PTGS2: variants seen among roughly 807,000 people sequenced by gnomAD.
PTGS2 encodes the protein prostaglandin G/H synthase 2.
PTGS2 carries 14 observed loss-of-function variants against 63.8 expected under a neutral mutation model. That is an observed-to-expected ratio of 0.22 (90% CI 0.14 to 0.34). The LOEUF (loss-of-function observed/expected upper bound fraction) is 0.34. Among genes scored for constraint, PTGS2 ranks in the 10% least tolerant of loss-of-function variants. The pLI is 1.00. For synonymous variants in PTGS2, 271 were observed against 259.5 expected (o/e 1.04, Z -0.43); for missense variants, 533 against 738.5 (o/e 0.72, Z 3.23).
chr1:186,680,399 G>T lies in PTGS2; in HGVS notation c.-109C>A. 4 of 738,186 alleles carry T rather than the reference G, an allele frequency of 5.4e-6. No homozygotes were observed. The highest frequency in any genetic ancestry group is 1.8e-5 in the African/African-American group (1 of 55,158). The allele number at this position is 738,186 out of a possible 1,614,324, so 45.7% of individuals were successfully genotyped here. On this transcript the variant is annotated 5_prime_UTR_variant, in exon 1 of 10. Coordinates refer to ENST00000367468, the MANE Select transcript of PTGS2 (RefSeq NM_000963.4). ...AGGAGTTCCTGGACGTGCTCCTGAC[G>T]CTCACTGCAAGTCGTATGACAATTG...
At chr1:186,680,033 T>G (rs1329955970) in intron 1 of PTGS2, among the ~76,000 whole-genome samples, 1 of 152,252 alleles carries the variant, frequency 6.6e-6, no homozygotes, top group East Asian at 1.9e-4. Context: ...GTTAAGTAAC[T>G]GGCTCATAAT....
At position 186,677,845 on chromosome 1, in the gene PTGS2, A is replaced by C; in HGVS notation, c.458-15T>G. On this transcript the variant is annotated splice_polypyrimidine_tract_variant and intron_variant, in intron 4 of 9. Transcript: ENST00000367468. ...CTGCTTTTTACCTGAAAAATGAGAA[A>C]GCTAAGGTAAGAATCCATCTATGTA... The C allele has an allele frequency of 6.2e-7, 1 of 1,612,010 alleles. No homozygotes were observed. Among genetic ancestry groups the C allele is most frequent in the Non-Finnish European group, 8.5e-7 (1 of 1,179,008 alleles).
At chr1:186,679,490 T>C in intron 1 of PTGS2, 52 bp from the exon 2 acceptor site, 1 of 1,296,342 alleles carries the variant, frequency 7.7e-7, no homozygotes, top group Non-Finnish European at 1.1e-6. Flanking sequence ...TAATCTTAAT[T>C]TAAACATTTA....
In PTGS2 at chr1:186,674,554, T is replaced by G; in HGVS notation, c.1614A>C (p.Gly538=). ...PAYWKPSTFG[G]EVGFQIINTA... is the part of the protein sequence containing the mutation. The stretch of plus-strand genomic sequence containing the variant: ...TGTTGATGATTTGAAAACCCACTTC[T>G]CCACCAAAAGTGCTTGGCTTCCAGT... Residue 538 remains glycine (G), a synonymous_variant, in exon 10 of 10, where the codon GGA becomes GGC. Coordinates refer to ENST00000367468, the MANE Select transcript of PTGS2 (RefSeq NM_000963.4). 6.2e-7 allele frequency: 1 copy of G among 1,614,180 alleles called. No individual in the cohort carries two copies.
rs1665732308 is a variant in PTGS2 at position 186,673,809 on chromosome 1, C to T, written c.*544G>A. 1 of 152,094 alleles carries T rather than the reference C, an allele frequency of 6.6e-6. No homozygotes were observed. The highest frequency in any genetic ancestry group is 1.5e-5 in the Non-Finnish European group (1 of 68,014). 9.4% of individuals were successfully genotyped at this position (152,094 alleles called of 1,614,324 possible). ...TTCTACCCTATGAATTTAGAAATTT[C>T]AAATTATTGTTTCATTGCTGATTTT... On this transcript the variant is annotated 3_prime_UTR_variant, in exon 10 of 10. Transcript: ENST00000367468.
In PTGS2 at chr1:186,674,755, C is replaced by G. The variant is rs777664238; in HGVS notation, c.1413G>C (p.Lys471Asn). 2.5e-6 allele frequency: 4 copies of G among 1,603,964 alleles called. No homozygotes were observed. Among genetic ancestry groups the G allele is most frequent in the Admixed American group, 1.7e-5 (1 of 58,154 alleles). The change falls in exon 10 of 10, where the codon AAG becomes AAC. Residue 471 changes from lysine (K) to asparagine (N), a missense_variant. This residue lies in a region of PTGS2 where 219 missense variants were observed against 267.4 expected (regional missense o/e 0.82). Coordinates refer to ENST00000367468, the MANE Select transcript of PTGS2 (RefSeq NM_000963.4). ...YESFEELTGE[K>N]EMSAELEALY... Reference sequence around the variant, plus strand: ...GTGCTTCCAACTCTGCAGACATTTCCTTTTCTCCTGTGAAGGCGATGAAGA... The same window carrying G: ...GTGCTTCCAACTCTGCAGACATTTCGTTTTCTCCTGTGAAGGCGATGAAGA...
At chr1:186,680,075 A>T (rs1253500684) in intron 1 of PTGS2, among the ~76,000 whole-genome samples, 164 bp downstream of exon 1, 2 of 152,170 alleles carry the variant, frequency 1.3e-5, no homozygotes, top group African/African-American at 2.4e-5. Flanking sequence ...TGGAATATCC[A>T]CGGAGTTCTT....
chr1:186,677,901 A>G (rs1367747088), intron 4 of PTGS2, 71 bp from the exon 5 acceptor site: 1 of 1,413,160 alleles, frequency 7.1e-7, no homozygotes, highest in Non-Finnish European at 9.7e-7. Context: ...CTGTCAATCT[A>G]CCAAGAATTC....
rs1239740288 is a variant in PTGS2 at position 186,678,278 on chromosome 1, G to A, written c.440C>T (p.Thr147Ile). 1 of 1,610,276 alleles carries A rather than the reference G, an allele frequency of 6.2e-7. No individual in the cohort carries two copies. The highest frequency in any genetic ancestry group is 8.5e-7 in the Non-Finnish European group (1 of 1,178,234). ...TTACTCACCTTTGACACCCAAGGGA[G>A]TCGGGCAATCATCAGGCACAGGAGG... is the stretch of plus-strand genomic sequence containing the variant. Reference protein sequence around the residue: ...ALPPVPDDCPTPLGVKGKKQL... With the variant: ...ALPPVPDDCPIPLGVKGKKQL... Residue 147 changes from threonine (T) to isoleucine (I), a missense_variant, in exon 4 of 10, where the codon ACT becomes ATT. Thr to Ile is a moderately conservative substitution (Grantham distance 89). Coordinates refer to ENST00000367468, the MANE Select transcript of PTGS2 (RefSeq NM_000963.4).
chr1:186,675,990 T>C lies in PTGS2; in HGVS notation c.1165A>G (p.Asn389Asp), dbSNP rs776759044. ...TTGTTGTAGATAAACTGTTGATAGT[T>C]GTATTTCTGGTCATGAATTTGAAAG... Reference protein sequence around the residue: ...DTFQIHDQKYNYQQFIYNNSI... With the variant: ...DTFQIHDQKYDYQQFIYNNSI... The change falls in exon 8 of 10, where the codon AAC becomes GAC. Residue 389 changes from asparagine (N) to aspartate (D), a missense_variant. Coordinates refer to ENST00000367468, the MANE Select transcript of PTGS2 (RefSeq NM_000963.4). 7 of 1,613,920 alleles carry C rather than the reference T, an allele frequency of 4.3e-6. No individual in the cohort carries two copies. In the East Asian group the frequency reaches 1.6e-4, roughly 36 times the overall value.
At position 186,674,496 on chromosome 1, in the gene PTGS2, C is replaced by T. The variant is rs1665745090; in HGVS notation, c.1672G>A (p.Val558Met). 1 of 1,614,148 alleles carries T rather than the reference C, an allele frequency of 6.2e-7. No individual in the cohort carries two copies. The highest frequency in any genetic ancestry group is 1.3e-5 in the African/African-American group (1 of 75,044). Reference protein sequence around the residue: ...ASIQSLICNNVKGCPFTSFSV... With the variant: ...ASIQSLICNNMKGCPFTSFSV... Reference sequence around the variant, plus strand: ...AATGAAGTAAAGGGACAGCCCTTCACGTTATTGCAGATGAGAGACTGAATT... The same window carrying T: ...AATGAAGTAAAGGGACAGCCCTTCATGTTATTGCAGATGAGAGACTGAATT... The change falls in exon 10 of 10, where the codon GTG becomes ATG. Residue 558 changes from valine (V) to methionine (M), a missense_variant. Coordinates refer to ENST00000367468, the MANE Select transcript of PTGS2 (RefSeq NM_000963.4).
At position 186,674,554 on chromosome 1, in the gene PTGS2, T is replaced by C. The variant is rs1665746533; in HGVS notation, c.1614A>G (p.Gly538=). ...TGTTGATGATTTGAAAACCCACTTC[T>C]CCACCAAAAGTGCTTGGCTTCCAGT... ...PAYWKPSTFG[G]EVGFQIINTA... is the part of the protein sequence containing the mutation. The change falls in exon 10 of 10, where the codon GGA becomes GGG. Residue 538 remains glycine (G), a synonymous_variant. Transcript: ENST00000367468. The C allele has an allele frequency of 6.2e-7, 1 of 1,614,180 alleles. No individual in the cohort carries two copies. The highest frequency in any genetic ancestry group is 1.7e-5 in the Admixed American group (1 of 60,026).
Position 186,675,882 on chromosome 1 carries a change from C to T in PTGS2, c.1257+16G>A, listed in dbSNP as rs747087733. 1 of 1,590,348 alleles carries T rather than the reference C, an allele frequency of 6.3e-7. No homozygotes were observed. Among genetic ancestry groups the T allele is most frequent in the South Asian group, 1.1e-5 (1 of 87,972 alleles). On this transcript the variant is annotated intron_variant, in intron 8 of 9. Transcript: ENST00000367468. ...CTGACTAGTCTTTTGTTTTGGTTTT[C>T]AATAATAATGCTTACCCTGCCAGCA...
chr1:186,677,233 G>A (rs773865945), intron 5 of PTGS2, among the ~76,000 whole-genome samples: 6 of 151,924 alleles, frequency 3.9e-5, no homozygotes, highest in Non-Finnish European at 5.9e-5. Flanking sequence ...AAATTCTTAC[G>A]AATAACTTGA....
chr1:186,675,144 T>C lies in PTGS2; in HGVS notation c.1405+105A>G, dbSNP rs1213100443. ...GTGAGCCGAGATGGCGCCACTGCACTCCAGCCTGGGTGACAGAGGGCGGCT... is the reference window on the plus strand; with the variant it reads ...GTGAGCCGAGATGGCGCCACTGCACCCCAGCCTGGGTGACAGAGGGCGGCT... On this transcript the variant is annotated intron_variant, in intron 9 of 9. Transcript: ENST00000367468. The C allele has an allele frequency of 3.4e-6, 5 of 1,463,996 alleles. No homozygotes were observed. The African/African-American group carries it at 4.3e-5, about 13-fold the overall frequency. 90.7% of individuals were successfully genotyped at this position (1,463,996 alleles called of 1,614,324 possible).
At chr1:186,676,975 G>A in intron 5 of PTGS2, 59 bp from the exon 6 acceptor site, 1 of 1,207,010 alleles carries the variant, frequency 8.3e-7, no homozygotes, top group Non-Finnish European at 1.2e-6. Flanking sequence ...TATATAAAGT[G>A]TCTATCATAT....
Position 186,673,040 on chromosome 1 carries a change from A to G in PTGS2, c.*1313T>C, listed in dbSNP as rs1665716141. 6.6e-6 allele frequency: 1 copy of G among 152,154 alleles called. No individual in the cohort carries two copies. Among genetic ancestry groups the G allele is most frequent in the Non-Finnish European group, 1.5e-5 (1 of 68,006 alleles). 9.4% of individuals were successfully genotyped at this position (152,154 alleles called of 1,614,324 possible). On this transcript the variant is annotated 3_prime_UTR_variant, in exon 10 of 10. Coordinates refer to ENST00000367468, the MANE Select transcript of PTGS2 (RefSeq NM_000963.4). ...CTGATCTTAAAACTAGTAAAACAAA[A>G]TAGGAGAAACGAAGTGATGAGAAGA...
At position 186,676,603 on chromosome 1, in the gene PTGS2, A is replaced by G; in HGVS notation, c.834T>C (p.Phe278=). The G allele has an allele frequency of 6.2e-7, 1 of 1,614,174 alleles. No individual in the cohort carries two copies. The highest frequency in any genetic ancestry group is 8.5e-7 in the Non-Finnish European group (1 of 1,180,022). Residue 278 remains phenylalanine (F), a synonymous_variant, in exon 7 of 10, where the codon TTT becomes TTC. Transcript: ENST00000367468. Reference sequence around the variant, plus strand: ...ACATCATCAGACCAGGCACCAGACCAAAGACCTCCTGCCCCACAGCAAACC... The same window carrying G: ...ACATCATCAGACCAGGCACCAGACCGAAGACCTCCTGCCCCACAGCAAACC... The part of the protein sequence containing the change: ...HLRFAVGQEV[F]GLVPGLMMYA...
In PTGS2 at chr1:186,676,508, C is replaced by T. The variant is rs201228846; in HGVS notation, c.929G>A (p.Gly310Asp). 1.9e-6 allele frequency: 3 copies of T among 1,614,010 alleles called. No homozygotes were observed. The highest frequency in any genetic ancestry group is 2.5e-6 in the Non-Finnish European group (3 of 1,180,020). The change falls in exon 7 of 10, where the codon GGT becomes GAT. Residue 310 changes from glycine to aspartate, a missense_variant. Gly to Asp is a moderately conservative substitution (Grantham distance 94). Coordinates refer to ENST00000367468, the MANE Select transcript of PTGS2 (RefSeq NM_000963.4). ...DVLKQEHPEW[G>D]DEQLFQTSRL... ...GCTTGTCTGGAACAACTGCTCATCA[C>T]CCCATTCAGGATGCTCCTGTTTAAG...
Sources: gnomAD v4.1 joint callset for allele counts (sites outside exome capture counted in the v4.1 genomes callset) on GRCh38, gnomAD v4.1.1 for gene constraint, gnomAD v4.1.1 regional missense constraint, MANE v1.5 for transcripts, NCBI Gene and HGNC (gene_info 2026-07-23, HGNC 2026-07-21) for gene names.